ARHGEF9: variants seen among roughly 807,000 people sequenced by gnomAD.
ARHGEF9 encodes the protein Cdc42 guanine nucleotide exchange factor 9.
A neutral mutation model predicts 41.3 loss-of-function variants in ARHGEF9; 2 were observed. The ratio of observed to expected loss-of-function variants is 0.05; its 90% CI spans 0.02 to 0.15. The LOEUF (loss-of-function observed/expected upper bound fraction) is 0.15. ARHGEF9 is among the 10% of genes least tolerant of loss of function. ARHGEF9 has a pLI of 1.00. For missense variants in ARHGEF9, 225 were observed against 424.7 expected (o/e 0.53, Z 4.13); for synonymous variants, 160 against 154.4 (o/e 1.04, Z -0.27).
chrX:63,785,199 C>A lies in ARHGEF9; in HGVS notation c.-54G>T. ...GCCCCGTAGCTGGCGCGAGTTGTCG[C>A]GGGCTGACTAGAAGGGCTGGGCTGA... is the stretch of plus-strand genomic sequence containing the variant. On this transcript the variant is annotated 5_prime_UTR_variant, in exon 1 of 10. Coordinates refer to ENST00000671741, the MANE Select transcript of ARHGEF9 (RefSeq NM_001353921.2). The A allele has an allele frequency of 1.7e-6, 2 of 1,144,383 alleles. No homozygotes were observed. 94.3% of individuals were successfully genotyped at this position (1,144,383 alleles called of 1,213,427 possible). A position where few individuals can be genotyped will look rare whatever the true frequency, so the allele number is the denominator to read the frequency against.
chrX:63,767,250 AC>A, intron 1 of ARHGEF9: 1 of 568,907 alleles, frequency 1.8e-6, no homozygotes. Flanking sequence ...GATGGAAAGC[AC>A]CACTTGCTAC....
intron 1 of ARHGEF9, among the ~76,000 whole-genome samples, chrX:63,741,471 G>C (rs1556426310): frequency 8.9e-6 from 1 of 112,755 alleles, no homozygotes; most frequent in African/African-American, 3.2e-5. Context: ...GGCCCTAAGG[G>C]AAGGACGTGT....
At chrX:63,650,334 A>T (rs1215882161) in intron 8 of ARHGEF9, among the ~76,000 whole-genome samples, 1 of 111,776 alleles carries the variant, frequency 8.9e-6, no homozygotes, top group Non-Finnish European at 1.9e-5. Flanking sequence ...ACACGATGTT[A>T]TATTATTCAG....
intron 1 of ARHGEF9, among the ~76,000 whole-genome samples, chrX:63,746,756 T>A (rs183657671): frequency 8.9e-6 from 1 of 112,370 alleles, no homozygotes; most frequent in East Asian, 2.8e-4. Flanking sequence ...GCAATCCATC[T>A]TTTTCAGACC....
intron 1 of ARHGEF9, among the ~76,000 whole-genome samples, chrX:63,734,806 G>A (rs1276159077): frequency 8.9e-6 from 1 of 111,830 alleles, no homozygotes. Context: ...AGTCCTAGCA[G>A]CATCTCTCTA....
At chrX:63,686,398 G>T (rs782063641) in intron 4 of ARHGEF9, among the ~76,000 whole-genome samples, 14 of 110,886 alleles carry the variant, frequency 1.3e-4, no homozygotes, top group Middle Eastern at 4.6e-3. Flanking sequence ...AAGATAAGTG[G>T]GTTAAAGGGT....
intron 6 of ARHGEF9, among the ~76,000 whole-genome samples, chrX:63,666,463 C>CACACACACAA (rs1391562926): frequency 9.8e-6 from 1 of 101,977 alleles, no homozygotes; most frequent in East Asian, 3.2e-4. Context: ...TACACACACA[C>CACACACACAA]ACACACACAC....
intron 1 of ARHGEF9, chrX:63,724,929 T>C (rs1160582892): frequency 3.6e-5 from 16 of 440,281 alleles, no homozygotes; most frequent in Non-Finnish European, 6.4e-5. Context: ...ACCCAGAATA[T>C]GAATATGTAC....
intron 2 of ARHGEF9, among the ~76,000 whole-genome samples, chrX:63,720,861 C>A (rs1323016010): frequency 8.9e-6 from 1 of 112,215 alleles, no homozygotes; most frequent in Admixed American, 9.4e-5. Context: ...AAGAGTTTTA[C>A]ATAAAAATCC....
At chrX:63,775,350 C>T (rs1456673408) in intron 1 of ARHGEF9, among the ~76,000 whole-genome samples, 2 of 112,521 alleles carry the variant, frequency 1.8e-5, no homozygotes, top group South Asian at 7.2e-4. Flanking sequence ...GAATATAAAT[C>T]ATTCTACCAT....
At chrX:63,698,429 T>C (rs1168295551) in intron 3 of ARHGEF9, among the ~76,000 whole-genome samples, 1 of 111,113 alleles carries the variant, frequency 9.0e-6, no homozygotes, top group Non-Finnish European at 1.9e-5. Context: ...CACTTGATAG[T>C]TACTGTCCTC....
At chrX:63,665,544 C>G (rs1228335920) in intron 7 of ARHGEF9, among the ~76,000 whole-genome samples, 1 of 112,921 alleles carries the variant, frequency 8.9e-6, no homozygotes, top group Non-Finnish European at 1.9e-5. Context: ...TATTTACCAA[C>G]TAAGATAGAC....
rs1165219551 is a variant in ARHGEF9, at chrX:63,751,888, T to C, written c.31-27177A>G. ...CTGCCACACACCCTACACACACACA[T>C]ACATTCCCAGAGGCTTTCTGCCAAA... On this transcript the variant is annotated intron_variant, in intron 1 of 9. Transcript: ENST00000671741. Among the ~76,000 whole-genome samples the C allele has an allele frequency of 2.9e-5, 3 of 103,793 alleles. No individual in the cohort carries two copies. In the Admixed American group the frequency reaches 3.1e-4, roughly 11 times the overall value. The allele number at this position is 103,793 out of a possible 115,157, so 90.1% of individuals were successfully genotyped here. A position where few individuals can be genotyped will look rare whatever the true frequency, so the allele number is the denominator to read the frequency against.
intron 4 of ARHGEF9, among the ~76,000 whole-genome samples, chrX:63,682,181 T>C (rs1204541374): frequency 2.8e-5 from 3 of 107,010 alleles, no homozygotes; most frequent in Non-Finnish European, 5.9e-5. Flanking sequence ...ATAAAAGAAC[T>C]AAAGGGAATA....
At chrX:63,740,335 G>C (rs782669210) in intron 1 of ARHGEF9, among the ~76,000 whole-genome samples, 288 of 111,759 alleles carry the variant, frequency 2.6e-3, no homozygotes, top group African/African-American at 8.4e-3. Flanking sequence ...CTTTTTTTTG[G>C]CCTTTGCTGT....
intron 4 of ARHGEF9, among the ~76,000 whole-genome samples, chrX:63,696,816 C>T (rs138513536): frequency 8.9e-5 from 10 of 111,812 alleles, no homozygotes; most frequent in East Asian, 2.8e-4. Flanking sequence ...CCACCACATA[C>T]GACACTGCCA....
intron 2 of ARHGEF9, among the ~76,000 whole-genome samples, 191 bp downstream of exon 2, chrX:63,724,341 A>T (rs1221175139): frequency 9.0e-6 from 1 of 111,028 alleles, no homozygotes; most frequent in Non-Finnish European, 1.9e-5. Context: ...GACAAATGAA[A>T]AGTCTAAAAA....
Position 63,665,826 on chromosome X carries a change from G to A in ARHGEF9, c.1077+60C>T. On this transcript the variant is annotated intron_variant, in intron 7 of 9. Transcript: ENST00000671741. ...GTTGGGAGCCTGGGGATGATGAAGAGGAGGGTCCGGTACCCTGTTAGGTAC... is the reference window on the plus strand; with the variant it reads ...GTTGGGAGCCTGGGGATGATGAAGAAGAGGGTCCGGTACCCTGTTAGGTAC... 6.8e-6 allele frequency: 8 copies of A among 1,181,818 alleles called. No homozygotes were observed. In the South Asian group the frequency reaches 1.5e-4, roughly 22 times the overall value.
chrX:63,733,286 C>T lies in ARHGEF9; in HGVS notation c.31-8575G>A, dbSNP rs138188153. On this transcript the variant is annotated intron_variant, in intron 1 of 9. Transcript: ENST00000671741. The stretch of plus-strand genomic sequence containing the variant: ...GTTTACATAATATGTACCCAGCTGC[C>T]CTATATGCCAGTCCATTGTTGCCAG... 1.1e-3 allele frequency among the ~76,000 whole-genome samples: 125 copies of T among 111,635 alleles called. 1 individual carries two copies. Among genetic ancestry groups the T allele is most frequent in the African/African-American group, 4.1e-3 (125 of 30,720 alleles).
Sources: gnomAD v4.1 joint callset for allele counts (sites outside exome capture counted in the v4.1 genomes callset) on GRCh38, gnomAD v4.1.1 for gene constraint, MANE v1.5 for transcripts, NCBI Gene and HGNC (gene_info 2026-07-23, HGNC 2026-07-21) for gene names.